DNAJC8: variants seen among roughly 807,000 people sequenced by gnomAD.
DNAJC8 encodes dnaJ homolog subfamily C member 8.
Under a neutral mutation model 43.2 loss-of-function variants are expected in DNAJC8, and 24 were observed. The ratio of observed to expected loss-of-function variants is 0.56; its 90% CI spans 0.40 to 0.78. DNAJC8 has a LOEUF of 0.78. Among genes scored for constraint, DNAJC8 ranks in the 30% least tolerant of loss-of-function variants. DNAJC8 has a pLI of 0.00. For synonymous variants in DNAJC8, 83 were observed against 98.0 expected, an observed-to-expected ratio of 0.85 and a Z score of 0.90; for missense variants, 207 against 299.4, an observed-to-expected ratio of 0.69 and a Z score of 2.28.
At chr1:28,230,721 A>G (rs1388424732) in intron 1 of DNAJC8, among the ~76,000 whole-genome samples, 1 of 152,072 alleles carries the variant, frequency 6.6e-6, no homozygotes, top group Non-Finnish European at 1.5e-5. Flanking sequence ...GCTCACTGCA[A>G]CCTCCACCTC....
intron 2 of DNAJC8, among the ~76,000 whole-genome samples, chr1:28,220,581 T>C (rs561034942): frequency 4.6e-5 from 7 of 152,332 alleles, no homozygotes; most frequent in African/African-American, 1.4e-4. Flanking sequence ...TTGAGATAAC[T>C]AATCCACTCC....
intron 2 of DNAJC8, among the ~76,000 whole-genome samples, chr1:28,221,484 G>T (rs894328809): frequency 3.9e-5 from 6 of 152,168 alleles, no homozygotes; most frequent in African/African-American, 1.2e-4. Context: ...GAGAACAAAG[G>T]CTACAGGGCA....
chr1:28,224,621 G>T (rs534579032), intron 2 of DNAJC8, among the ~76,000 whole-genome samples: 30 of 152,058 alleles, frequency 2.0e-4, no homozygotes, highest in African/African-American at 6.7e-4. Context: ...GGTGGCTCAC[G>T]CCTGAAATCC....
In DNAJC8 at chr1:28,215,004, T is replaced by G. The variant is rs751966760; in HGVS notation, c.181-8A>C. On this transcript the variant is annotated splice_polypyrimidine_tract_variant and splice_region_variant and intron_variant, in intron 2 of 8. Transcript: ENST00000263697. ...AGGATCTATCTGAAGAACCTGGAAGTATCAAAATCAAAACCATAAAAAAGG... is the reference window on the plus strand; with the variant it reads ...AGGATCTATCTGAAGAACCTGGAAGGATCAAAATCAAAACCATAAAAAAGG... 7 of 1,600,138 alleles carry G rather than the reference T, an allele frequency of 4.4e-6. No individual in the cohort carries two copies. In the East Asian group the frequency reaches 1.3e-4, roughly 31 times the overall value.
At chr1:28,201,536 C>T (rs1482155870) in intron 8 of DNAJC8, among the ~76,000 whole-genome samples, 166 bp from the exon 9 acceptor site, 1 of 152,180 alleles carries the variant, frequency 6.6e-6, no homozygotes, top group Non-Finnish European at 1.5e-5. Context: ...TACCTATAAT[C>T]CCAGCACTTC....
chr1:28,228,841 G>GT, intron 2 of DNAJC8, 81 bp downstream of exon 2: 1 of 1,092,978 alleles, frequency 9.1e-7, no homozygotes, highest in Non-Finnish European at 1.4e-6. Context: ...TATAAATTAG[G>GT]TATGTATTCT....
At chr1:28,230,982 C>T (rs17185136) in intron 1 of DNAJC8, among the ~76,000 whole-genome samples, 1 of 152,168 alleles carries the variant, frequency 6.6e-6, no homozygotes, top group South Asian at 2.1e-4. Context: ...CATCTTCTGC[C>T]TTGTTTAACC....
At chr1:28,231,772 AT>A (rs1487771477) in intron 1 of DNAJC8, among the ~76,000 whole-genome samples, 1 of 151,316 alleles carries the variant, frequency 6.6e-6, no homozygotes, top group Non-Finnish European at 1.5e-5. Context: ...TCTTCCAAGA[AT>A]TTTTTTCTTT....
intron 2 of DNAJC8, among the ~76,000 whole-genome samples, chr1:28,218,564 G>A (rs1157246354): frequency 6.6e-6 from 1 of 151,908 alleles, no homozygotes; most frequent in Admixed American, 6.6e-5. Context: ...CTGTAAGTGC[G>A]TGGAGCACAC....
At chr1:28,203,932 A>T in intron 7 of DNAJC8, 110 bp from the exon 8 acceptor site, 1 of 1,056,860 alleles carries the variant, frequency 9.5e-7, no homozygotes, top group South Asian at 1.3e-5. Context: ...TCAATTCCCT[A>T]GAAGTCTACA....
At chr1:28,211,132 T>C (rs1016921490) in intron 3 of DNAJC8, among the ~76,000 whole-genome samples, 1 of 152,116 alleles carries the variant, frequency 6.6e-6, no homozygotes, top group African/African-American at 2.4e-5. Context: ...CACTCCAGCC[T>C]GGGCAACAAA....
chr1:28,201,200 G>C lies in DNAJC8; in HGVS notation c.*48C>G, dbSNP rs1188945269. On this transcript the variant is annotated 3_prime_UTR_variant, in exon 9 of 9. Transcript: ENST00000263697. ...AGGAAAGAATGAGTCCTTCGAAGCA[G>C]GAAGGGAGATAGCAGGGGAAAGGTT... is the stretch of plus-strand genomic sequence containing the variant. 1 of 1,609,574 alleles carries C rather than the reference G, an allele frequency of 6.2e-7. No homozygotes were observed. The highest frequency in any genetic ancestry group is 1.1e-5 in the South Asian group (1 of 90,916).
intron 5 of DNAJC8, 84 bp from the exon 6 acceptor site, chr1:28,208,497 C>T: frequency 1.2e-6 from 1 of 849,616 alleles, no homozygotes; most frequent in Non-Finnish European, 1.7e-6. Flanking sequence ...ATATATTTAA[C>T]TTTCTATAGG....
At chr1:28,228,634 A>G (rs1201162835) in intron 2 of DNAJC8, among the ~76,000 whole-genome samples, 2 of 152,188 alleles carry the variant, frequency 1.3e-5, no homozygotes, top group Admixed American at 1.3e-4. Context: ...GAAAATGCTC[A>G]TTAACATTCT....
At chr1:28,225,537 G>A (rs1418272673) in intron 2 of DNAJC8, among the ~76,000 whole-genome samples, 2 of 151,012 alleles carry the variant, frequency 1.3e-5, no homozygotes, top group Non-Finnish European at 3.0e-5. Flanking sequence ...GTAGAGTAGA[G>A]GTTACCAGGG....
At position 28,201,254 on chromosome 1, in the gene DNAJC8, A is replaced by G. The variant is rs748847741; in HGVS notation, c.756T>C (p.Arg252=). 9 of 1,612,060 alleles carry G rather than the reference A, an allele frequency of 5.6e-6. No individual in the cohort carries two copies. The highest frequency in any genetic ancestry group is 7.6e-6 in the Non-Finnish European group (9 of 1,179,876). ...TGCCTGTGACCTTGGGCGGTCACTC[A>G]CGTTGCTCCATTTTTACTTTCGGTG... The part of the protein sequence containing the change: ...LRPPKVKMEQ[R]E Residue 252 remains arginine (R), a synonymous_variant, in exon 9 of 9, where the codon CGT becomes CGC. Coordinates refer to ENST00000263697, the MANE Select transcript of DNAJC8 (RefSeq NM_014280.3).
chr1:28,218,670 C>T (rs1460229166), intron 2 of DNAJC8, among the ~76,000 whole-genome samples: 1 of 151,724 alleles, frequency 6.6e-6, no homozygotes, highest in Admixed American at 6.6e-5. Context: ...ATTTGGGAGG[C>T]CAAGGCAGGG....
chr1:28,211,534 C>T (rs1646810669), intron 3 of DNAJC8, among the ~76,000 whole-genome samples: 1 of 152,200 alleles, frequency 6.6e-6, no homozygotes, highest in African/African-American at 2.4e-5. Context: ...TATGAGACAT[C>T]AACTCTCTCC....
At chr1:28,205,185 GAAA>G in intron 7 of DNAJC8, 70 bp downstream of exon 7, 1 of 1,185,430 alleles carries the variant, frequency 8.4e-7, no homozygotes, top group Non-Finnish European at 1.2e-6. Context: ...CCCTCATTAG[GAAA>G]ATCACCAAAG....
Sources: allele counts gnomAD v4.1 joint callset (sites outside exome capture counted in the v4.1 genomes callset), GRCh38; gene constraint gnomAD v4.1.1; transcripts MANE v1.5; gene names NCBI Gene and HGNC (gene_info 2026-07-23, HGNC 2026-07-21).